SPRED2: variants seen among roughly 807,000 people sequenced by gnomAD.
SPRED2 encodes the protein sprouty-related, EVH1 domain-containing protein 2.
SPRED2 carries 47 observed loss-of-function variants against 43.0 expected under a neutral mutation model. The ratio of observed to expected loss-of-function variants is 1.09; its 90% CI spans 0.87 to 1.40. The LOEUF (loss-of-function observed/expected upper bound fraction) is 1.40. Ranked by LOEUF, SPRED2 falls within the 40% of genes most tolerant of loss-of-function variation. SPRED2 has a pLI of 0.00. For missense variants in SPRED2, 561 were observed against 586.4 expected (o/e 0.96, Z 0.45); for synonymous variants, 225 against 225.7 (o/e 1.00, Z 0.03).
intron 1 of SPRED2, among the ~76,000 whole-genome samples, chr2:65,404,541 T>C (rs1675978654): frequency 6.6e-6 from 1 of 152,220 alleles, no homozygotes; most frequent in South Asian, 2.1e-4. Flanking sequence ...TATTCATTCA[T>C]ACTATACCCT....
intron 1 of SPRED2, among the ~76,000 whole-genome samples, chr2:65,410,480 C>A (rs1052026807): frequency 1.3e-5 from 2 of 152,148 alleles, no homozygotes; most frequent in Non-Finnish European, 2.9e-5. Flanking sequence ...TCCCAACTGG[C>A]CTGGCATGGT....
chr2:65,329,676 T>G (rs1478710600), intron 4 of SPRED2, among the ~76,000 whole-genome samples: 1 of 152,170 alleles, frequency 6.6e-6, no homozygotes, highest in Non-Finnish European at 1.5e-5. Context: ...ATAAATCACT[T>G]CTGGCAGGTA....
chr2:65,325,071 T>C (rs539604284), intron 4 of SPRED2, among the ~76,000 whole-genome samples: 1 of 152,288 alleles, frequency 6.6e-6, no homozygotes, highest in African/African-American at 2.4e-5. Context: ...CCTTCTCAAG[T>C]AGGATGCTCC....
At chr2:65,370,875 C>T (rs1355329372) in intron 1 of SPRED2, among the ~76,000 whole-genome samples, 3 of 152,160 alleles carry the variant, frequency 2.0e-5, no homozygotes, top group Non-Finnish European at 2.9e-5. Context: ...AGCCATCCTC[C>T]CCTCCCCCGA....
At chr2:65,317,142 G>A (rs1047928768) in intron 4 of SPRED2, among the ~76,000 whole-genome samples, 117 of 152,150 alleles carry the variant, frequency 7.7e-4, no homozygotes, top group African/African-American at 2.6e-3. Flanking sequence ...TCTTAAATGC[G>A]GGAATAGTGA....
intron 1 of SPRED2, among the ~76,000 whole-genome samples, chr2:65,388,164 C>T (rs919741781): frequency 6.6e-6 from 1 of 152,220 alleles, no homozygotes; most frequent in Non-Finnish European, 1.5e-5. Context: ...CACACAGCCG[C>T]ACAGAGCTGG....
intron 1 of SPRED2, among the ~76,000 whole-genome samples, chr2:65,349,988 C>A (rs1259456063): frequency 1.3e-5 from 2 of 152,242 alleles, no homozygotes; most frequent in African/African-American, 2.4e-5. Flanking sequence ...CTAAAAGCTG[C>A]AAAGGATGTC....
chr2:65,390,480 G>A (rs1240489849), intron 1 of SPRED2, among the ~76,000 whole-genome samples: 1 of 152,178 alleles, frequency 6.6e-6, no homozygotes, highest in Non-Finnish European at 1.5e-5. Flanking sequence ...CAAGAGGAGA[G>A]GCTGGAGTCG....
chr2:65,369,983 A>G (rs146290893), intron 1 of SPRED2, among the ~76,000 whole-genome samples: 143 of 152,378 alleles, frequency 9.4e-4, no homozygotes, highest in African/African-American at 3.4e-3. Context: ...ACTATACAGC[A>G]AAACTTTAGC....
At chr2:65,348,005 T>C (rs10179051) in intron 1 of SPRED2, among the ~76,000 whole-genome samples, 149,036 of 152,170 alleles carry the variant, frequency 0.98, 73,000 homozygotes, top group East Asian at 1. Context: ...AGTCAGATCA[T>C]TCTACTGAAA....
At chr2:65,391,022 A>T (rs778636950) in intron 1 of SPRED2, among the ~76,000 whole-genome samples, 9 of 149,530 alleles carry the variant, frequency 6.0e-5, no homozygotes, top group Non-Finnish European at 1.0e-4. Flanking sequence ...TGGGAGGCAG[A>T]GGCTGCAGTG....
At chr2:65,362,343 C>T (rs1674837229) in intron 1 of SPRED2, among the ~76,000 whole-genome samples, 1 of 152,032 alleles carries the variant, frequency 6.6e-6, no homozygotes, top group Non-Finnish European at 1.5e-5. Flanking sequence ...GATCTGGGCT[C>T]ACTGCAAGCT....
chr2:65,370,403 G>A (rs975227820), intron 1 of SPRED2, among the ~76,000 whole-genome samples: 3 of 152,164 alleles, frequency 2.0e-5, no homozygotes, highest in African/African-American at 7.2e-5. Flanking sequence ...CCACACATTC[G>A]AGTGTTTATA....
intron 1 of SPRED2, among the ~76,000 whole-genome samples, chr2:65,360,068 AAAAAAAAAAAC>A (rs1293261176): frequency 1.4e-4 from 18 of 125,922 alleles, no homozygotes; most frequent in African/African-American, 4.5e-4. Context: ...CCATCTCAAA[AAAAAAAAAAAC>A]AAAAAAAAAC....
At chr2:65,392,935 G>A (rs550800110) in intron 1 of SPRED2, among the ~76,000 whole-genome samples, 7 of 152,254 alleles carry the variant, frequency 4.6e-5, no homozygotes, top group Admixed American at 2.6e-4. Context: ...CCATGGATCC[G>A]TCAGACCTCC....
intron 4 of SPRED2, among the ~76,000 whole-genome samples, chr2:65,328,414 C>A (rs552827538): frequency 2.0e-5 from 3 of 152,172 alleles, no homozygotes; most frequent in Non-Finnish European, 4.4e-5. Flanking sequence ...AAGCAGTTTA[C>A]GGGCTTGCAT....
chr2:65,362,293 G>A (rs1423845837), intron 1 of SPRED2, among the ~76,000 whole-genome samples: 2 of 151,446 alleles, frequency 1.3e-5, no homozygotes, highest in African/African-American at 2.4e-5. Context: ...TTTTTGAGAT[G>A]GAGTCTCACT....
chr2:65,401,937 G>GCGCACACACACACACACACA (rs776512353), intron 1 of SPRED2, among the ~76,000 whole-genome samples: 16 of 114,712 alleles, frequency 1.4e-4, no homozygotes, highest in Admixed American at 4.9e-4. Flanking sequence ...GCGCGCGCGC[G>GCGCACACACACACACACACA]CACACACACA....
intron 1 of SPRED2, among the ~76,000 whole-genome samples, chr2:65,346,016 G>T (rs140158635): frequency 6.6e-6 from 1 of 152,258 alleles, no homozygotes; most frequent in East Asian, 1.9e-4. Flanking sequence ...TATGCCAGGC[G>T]TTATAACAGA....
Sources: gnomAD v4.1 joint callset for allele counts (sites outside exome capture counted in the v4.1 genomes callset) on GRCh38, gnomAD v4.1.1 for gene constraint, MANE v1.5 for transcripts, NCBI Gene and HGNC (gene_info 2026-07-23, HGNC 2026-07-21) for gene names.